Variants in FBXO17 observed in about 807,000 individuals in gnomAD.
The protein encoded by FBXO17 is F-box protein 17, also known as F-box only protein 17.
A neutral mutation model predicts 34.1 loss-of-function variants in FBXO17; 43 were observed. That is an observed-to-expected ratio of 1.26 (90% CI 0.99 to 1.62). The LOEUF (loss-of-function observed/expected upper bound fraction) is 1.62, where lower values mean the gene tolerates loss of function less well. FBXO17 is among the 40% of genes most tolerant of loss of function. The pLI is 0.00. For missense variants in FBXO17, 424 were observed against 386.7 expected (o/e 1.10, Z -0.81); for synonymous variants, 169 against 166.0 (o/e 1.02, Z -0.14).
chr19:38,963,157 C>A (rs1975275615), intron 1 of FBXO17, among the ~76,000 whole-genome samples: 1 of 152,122 alleles, frequency 6.6e-6, no homozygotes, highest in South Asian at 2.1e-4. Context: ...CTGACTGATA[C>A]ACACAGTATG....
At chr19:38,952,206 C>T (rs1297256884) in intron 1 of FBXO17, among the ~76,000 whole-genome samples, 1 of 152,088 alleles carries the variant, frequency 6.6e-6, no homozygotes, top group African/African-American at 2.4e-5. Context: ...CTCAGCTTCC[C>T]AAAATGCTGG....
chr19:38,961,090 G>A (rs1360542123), intron 1 of FBXO17, among the ~76,000 whole-genome samples: 1 of 152,082 alleles, frequency 6.6e-6, no homozygotes, highest in Non-Finnish European at 1.5e-5. Context: ...TTACAGGCGT[G>A]AGCCACTGCG....
At chr19:38,945,131 C>G (rs1185214076) in intron 4 of FBXO17, 27 bp from the exon 5 acceptor site, 1 of 1,612,348 alleles carries the variant, frequency 6.2e-7, no homozygotes, top group Non-Finnish European at 8.5e-7. Flanking sequence ...AGCCTCTATG[C>G]CCCCGTCACC....
Position 38,958,579 on chromosome 19 carries a change from T to C in FBXO17, c.-17-8243A>G, listed in dbSNP as rs1975202128. On this transcript the variant is annotated intron_variant, in intron 1 of 5. Transcript: ENST00000292852. ...ATGCCAACTACTAGCTGGGTCACAA[T>C]AGGACAAGTAGGGCCTAGTATTGCC... Among the ~76,000 whole-genome samples, 3 of 152,238 alleles carry C rather than the reference T, an allele frequency of 2.0e-5. No individual in the cohort carries two copies. In the South Asian group the frequency reaches 6.2e-4, roughly 32 times the overall value.
At chr19:38,965,077 G>A (rs1028777212) in intron 1 of FBXO17, among the ~76,000 whole-genome samples, 4 of 151,972 alleles carry the variant, frequency 2.6e-5, no homozygotes, top group African/African-American at 4.8e-5. Flanking sequence ...AAAAAGTGGC[G>A]GGATAGCAAG....
chr19:38,948,271 CG>C (rs1481049583), intron 3 of FBXO17, among the ~76,000 whole-genome samples: 1 of 152,188 alleles, frequency 6.6e-6, no homozygotes, highest in Admixed American at 6.5e-5. Context: ...CCACCGTGCC[CG>C]GCCCAAAACC....
At position 38,950,301 on chromosome 19, in the gene FBXO17, GCGA is replaced by G. The variant is rs1295431382; in HGVS notation, c.16_18del (p.Ser6del). ...GATGGGTCCGCCGGCAGCCGTCGCC[GCGA>G]TAGCCGGGCGCCCATCTCCAGTAGC... On this transcript the variant is annotated inframe_deletion, in exon 2 of 6. Transcript: ENST00000292852. 1.4e-6 allele frequency: 2 copies of G among 1,433,682 alleles called. No homozygotes were observed. The highest frequency in any genetic ancestry group is 1.8e-6 in the Non-Finnish European group (2 of 1,102,868). 88.8% of individuals were successfully genotyped at this position (1,433,682 alleles called of 1,614,324 possible). A position where few individuals can be genotyped will look rare whatever the true frequency, so the allele number is the denominator to read the frequency against.
At chr19:38,969,588 CTTTTTTTTTTTT>C (rs67681512) in intron 1 of FBXO17, among the ~76,000 whole-genome samples, 1 of 103,494 alleles carries the variant, frequency 9.7e-6, no homozygotes, top group African/African-American at 4.3e-5. Context: ...AACCACTGGG[CTTTTTTTTTTTT>C]TTTTTTTTTT....
At chr19:38,956,663 T>C (rs1975171155) in intron 1 of FBXO17, among the ~76,000 whole-genome samples, 1 of 152,012 alleles carries the variant, frequency 6.6e-6, no homozygotes, top group Non-Finnish European at 1.5e-5. Context: ...GGTGGATCAC[T>C]TGAGGTCAGG....
At chr19:38,962,071 C>A in intron 1 of FBXO17, among the ~76,000 whole-genome samples, 1 of 130,922 alleles carries the variant, frequency 7.6e-6, no homozygotes. Flanking sequence ...AGCTGCGAAA[C>A]TGGAGTTTGG....
At chr19:38,973,916 G>A (rs1003206962) in intron 1 of FBXO17, among the ~76,000 whole-genome samples, 3 of 151,332 alleles carry the variant, frequency 2.0e-5, no homozygotes, top group Non-Finnish European at 4.4e-5. Flanking sequence ...CCAGGAGGTT[G>A]AGGCTGCAGT....
intron 1 of FBXO17, among the ~76,000 whole-genome samples, chr19:38,955,823 A>G (rs2144826277): frequency 6.6e-6 from 1 of 152,236 alleles, no homozygotes; most frequent in Non-Finnish European, 1.5e-5. Flanking sequence ...GACCAATGGC[A>G]AGTCACTTAA....
rs1375783685 is a variant in FBXO17 at position 38,975,355 on chromosome 19, C to T, written c.-18+231G>A. 6.6e-6 allele frequency among the ~76,000 whole-genome samples: 1 copy of T among 152,256 alleles called. No homozygotes were observed. The highest frequency in any genetic ancestry group is 2.4e-5 in the African/African-American group (1 of 41,478). On this transcript the variant is annotated intron_variant, in intron 1 of 5. Transcript: ENST00000292852. The surrounding 1 kb of genome is among the most constrained non-coding windows in gnomAD (Gnocchi z 4.9). ...GAACACCCACGTTCAAAGCAAAGCC[C>T]TTCCAGATTTAGGGCTTTCTAACGT...
chr19:38,949,869 G>T (rs1975046456), intron 2 of FBXO17, 102 bp downstream of exon 2: 1 of 1,333,604 alleles, frequency 7.5e-7, no homozygotes. Context: ...TCCTCCAGCG[G>T]TCTCGCCCAT....
intron 1 of FBXO17, among the ~76,000 whole-genome samples, chr19:38,955,292 G>A (rs1245713824): frequency 2.0e-5 from 3 of 151,622 alleles, no homozygotes; most frequent in Non-Finnish European, 2.9e-5. Flanking sequence ...GCAGTGGTGT[G>A]ATCATGGCTC....
Position 38,941,433 on chromosome 19 carries a change from G to C in FBXO17, c.*1175C>G, listed in dbSNP as rs1424157480. ...TGGAGTGGGAAATCAGGGGTCTCAC[G>C]GCCTTCAGAGCTGAGAGCCTTGAAC... On this transcript the variant is annotated 3_prime_UTR_variant, in exon 6 of 6. Coordinates refer to ENST00000292852, the MANE Select transcript of FBXO17 (RefSeq NM_024907.7). 1 of 152,194 alleles carries C rather than the reference G, an allele frequency of 6.6e-6. No individual in the cohort carries two copies. The highest frequency in any genetic ancestry group is 1.5e-5 in the Non-Finnish European group (1 of 68,040). The allele number at this position is 152,194 out of a possible 1,614,324, so 9.4% of individuals were successfully genotyped here.
At position 38,959,719 on chromosome 19, in the gene FBXO17, C is replaced by A. The variant is rs12979835; in HGVS notation, c.-17-9383G>T. On this transcript the variant is annotated intron_variant, in intron 1 of 5. Transcript: ENST00000292852. ...CAGCCTGGGCAACACAGTGAAACCC[C>A]ATCTCTAAAAAAGTAAACATTAAAA... 2.0e-5 allele frequency among the ~76,000 whole-genome samples: 3 copies of A among 151,700 alleles called. No individual in the cohort carries two copies. In the East Asian group the frequency reaches 5.9e-4, roughly 30 times the overall value.
intron 1 of FBXO17, among the ~76,000 whole-genome samples, chr19:38,960,935 T>C (rs1236962922): frequency 1.3e-5 from 2 of 151,656 alleles, no homozygotes; most frequent in African/African-American, 4.8e-5. Context: ...GCCTTCTGAG[T>C]AACTGGGATC....
At position 38,941,704 on chromosome 19, in the gene FBXO17, C is replaced by T. The variant is rs185507168; in HGVS notation, c.*904G>A. The stretch of plus-strand genomic sequence containing the variant: ...GGGTGGGCCAGGTGTTCCTCGCCCT[C>T]GTTCCAGTAAACCCACAACCTTCAG... On this transcript the variant is annotated 3_prime_UTR_variant, in exon 6 of 6. Transcript: ENST00000292852. 70 of 152,300 alleles carry T rather than the reference C, an allele frequency of 4.6e-4. No homozygotes were observed. Among genetic ancestry groups the T allele is most frequent in the African/African-American group, 1.6e-3 (65 of 41,566 alleles). The allele number at this position is 152,300 out of a possible 1,614,324, so 9.4% of individuals were successfully genotyped here.
Sources: gnomAD v4.1 joint callset for allele counts (sites outside exome capture counted in the v4.1 genomes callset) on GRCh38, gnomAD v4.1.1 for gene constraint, Gnocchi (gnomAD v3.1) non-coding constraint, MANE v1.5 for transcripts, NCBI Gene and HGNC (gene_info 2026-07-23, HGNC 2026-07-21) for gene names.